The following LINGO2 variants were observed in gnomAD, a reference collection of about 807,000 sequenced individuals.
LINGO2 encodes leucine rich repeat and Ig domain containing 2.
In LINGO2, 14 loss-of-function variants were observed where a neutral mutation model predicts 30.6. The observed-to-expected ratio is 0.46, with a 90% confidence interval of 0.30 to 0.72. The LOEUF (loss-of-function observed/expected upper bound fraction) is 0.72. Ranked by LOEUF, LINGO2 falls within the 30% of genes least tolerant of loss-of-function variation. LINGO2 has a pLI of 0.07. For missense variants in LINGO2, 729 were observed against 751.7 expected, an observed-to-expected ratio of 0.97 and a Z score of 0.35; for synonymous variants, 317 against 288.5, an observed-to-expected ratio of 1.10 and a Z score of -1.00.
intron 4 of LINGO2, among the ~76,000 whole-genome samples, chr9:28,210,513 A>C (rs1267637361): frequency 6.6e-6 from 1 of 151,676 alleles, no homozygotes; most frequent in East Asian, 1.9e-4. Context: ...GATGCCAATA[A>C]ATACTGTTTT....
At chr9:29,184,444 A>G in the LINGO2 span, among the ~76,000 whole-genome samples, 2 of 151,998 alleles carry the variant, frequency 1.3e-5, no homozygotes, top group African/African-American at 2.4e-5. Context: ...TTCATGTTCT[A>G]TAGGGGGGAA....
chr9:28,743,572 G>T, the LINGO2 span, among the ~76,000 whole-genome samples: 1 of 151,940 alleles, frequency 6.6e-6, no homozygotes, highest in African/African-American at 2.4e-5. Context: ...CTGGATATAA[G>T]ATTCTTGGTT....
chr9:28,495,360 TAA>T (rs1479040676), intron 1 of LINGO2, among the ~76,000 whole-genome samples: 1 of 152,250 alleles, frequency 6.6e-6, no homozygotes, highest in Non-Finnish European at 1.5e-5. Context: ...GTCTAACATT[TAA>T]GTCTTTAATC....
intron 4 of LINGO2, among the ~76,000 whole-genome samples, chr9:28,195,142 C>T (rs906959924): frequency 1.3e-5 from 2 of 151,836 alleles, no homozygotes; most frequent in Non-Finnish European, 2.9e-5. Context: ...AAATATAAGT[C>T]AAAGCAGAAT....
chr9:28,221,298 TAAAAAAAAA>T (rs141151588), intron 4 of LINGO2, among the ~76,000 whole-genome samples: 4 of 83,738 alleles, frequency 4.8e-5, no homozygotes, highest in Non-Finnish European at 9.2e-5. Context: ...AGACCCCGTC[TAAAAAAAAA>T]AAAAAAAAAA....
At position 28,182,719 on chromosome 9, in the gene LINGO2, T is replaced by C. The variant is rs180933000; in HGVS notation, c.-87+112489A>G. On this transcript the variant is annotated intron_variant, in intron 4 of 5. Transcript: ENST00000379992. Reference sequence around the variant, plus strand: ...AACATGAAAAAAAGCTCAACATTGCTGGTCATTAGAGAAATGCAAATCAAA... The same window carrying C: ...AACATGAAAAAAAGCTCAACATTGCCGGTCATTAGAGAAATGCAAATCAAA... Among the ~76,000 whole-genome samples, 297 of 152,322 alleles carry C rather than the reference T, an allele frequency of 1.9e-3. 2 individuals are homozygous for C. The highest frequency in any genetic ancestry group is 6.3e-3 in the African/African-American group (261 of 41,572).
intron 4 of LINGO2, among the ~76,000 whole-genome samples, chr9:28,044,527 A>G (rs1824330309): frequency 6.6e-6 from 1 of 152,148 alleles, no homozygotes; most frequent in Non-Finnish European, 1.5e-5. Flanking sequence ...GCTAATTTTA[A>G]AGTCCCTCCT....
chr9:28,637,487 T>A (rs1827339252), intron 1 of LINGO2, among the ~76,000 whole-genome samples: 1 of 152,192 alleles, frequency 6.6e-6, no homozygotes, highest in South Asian at 2.1e-4. Flanking sequence ...TGTATCCTCT[T>A]TTATTTCGTT....
At chr9:27,989,288 A>G (rs1053501221) in intron 5 of LINGO2, among the ~76,000 whole-genome samples, 24 of 151,894 alleles carry the variant, frequency 1.6e-4, no homozygotes, top group Non-Finnish European at 3.2e-4. Context: ...CTGGAATTTT[A>G]CTGTATGCTG....
the LINGO2 span, among the ~76,000 whole-genome samples, chr9:29,193,089 A>G: frequency 3.9e-5 from 6 of 152,290 alleles, no homozygotes; most frequent in East Asian, 9.6e-4. Context: ...TTCTGGGGGT[A>G]GGTGGAGAAT....
At chr9:28,144,257 A>G (rs1356654237) in intron 4 of LINGO2, among the ~76,000 whole-genome samples, 1 of 152,228 alleles carries the variant, frequency 6.6e-6, no homozygotes, top group Non-Finnish European at 1.5e-5. Context: ...TGAGAAAAAT[A>G]TACCTTTTTC....
intron 4 of LINGO2, among the ~76,000 whole-genome samples, chr9:28,062,393 A>G (rs903893531): frequency 6.7e-6 from 1 of 148,830 alleles, no homozygotes; most frequent in African/African-American, 2.5e-5. Flanking sequence ...TATATGCTAT[A>G]TGTATATCAC....
chr9:28,057,640 A>ACACATATATGTATAT (rs1235437530), intron 4 of LINGO2, among the ~76,000 whole-genome samples: 55 of 97,618 alleles, frequency 5.6e-4, no homozygotes, highest in Non-Finnish European at 7.4e-4. Flanking sequence ...CACATATATA[A>ACACATATATGTATAT]ACCTGTTCAA....
the LINGO2 span, among the ~76,000 whole-genome samples, chr9:28,735,337 G>A: frequency 6.6e-6 from 1 of 152,084 alleles, no homozygotes; most frequent in Non-Finnish European, 1.5e-5. Context: ...TAACATTTAT[G>A]AATCAGTGTT....
intron 4 of LINGO2, among the ~76,000 whole-genome samples, chr9:28,217,052 G>T (rs765592637): frequency 5.9e-5 from 9 of 151,328 alleles, no homozygotes; most frequent in Non-Finnish European, 1.3e-4. Flanking sequence ...TATTAATGTA[G>T]TTACACAAAT....
chr9:28,639,616 T>A (rs1470666446), intron 1 of LINGO2, among the ~76,000 whole-genome samples: 5 of 152,170 alleles, frequency 3.3e-5, no homozygotes, highest in African/African-American at 1.2e-4. Flanking sequence ...GTTTAAAGTC[T>A]GTTTTATCAG....
chr9:28,139,083 A>G (rs1365891603), intron 4 of LINGO2, among the ~76,000 whole-genome samples: 1 of 152,228 alleles, frequency 6.6e-6, no homozygotes, highest in East Asian at 1.9e-4. Flanking sequence ...TAAGTATCAA[A>G]AAACTTAGAG....
At chr9:29,163,318 T>C in the LINGO2 span, among the ~76,000 whole-genome samples, 1 of 152,212 alleles carries the variant, frequency 6.6e-6, no homozygotes. Context: ...TTCTCCCGTT[T>C]ACTCCAGTTA....
chr9:29,201,983 A>G, the LINGO2 span, among the ~76,000 whole-genome samples: 2 of 152,046 alleles, frequency 1.3e-5, no homozygotes, highest in Non-Finnish European at 2.9e-5. Context: ...TACCTCTTTT[A>G]CCAATTGGAA....
Sources: allele counts gnomAD v4.1 joint callset (sites outside exome capture counted in the v4.1 genomes callset), GRCh38; gene constraint gnomAD v4.1.1; transcripts MANE v1.5; gene names NCBI Gene and HGNC (gene_info 2026-07-23, HGNC 2026-07-21).